Variants in TFDP2 observed in about 807,000 individuals in gnomAD.
TFDP2 encodes transcription factor Dp-2, also known as transcription factor Dp-2 (E2F dimerization partner 2).
A neutral mutation model predicts 59.3 loss-of-function variants in TFDP2; 17 were observed. That is an observed-to-expected ratio of 0.29 (90% CI 0.20 to 0.43). TFDP2 has a LOEUF of 0.43. TFDP2 is among the 20% of genes least tolerant of loss of function. TFDP2 has a pLI of 1.00. For missense variants in TFDP2, 391 were observed against 528.8 expected (o/e 0.74, Z 2.56); for synonymous variants, 180 against 194.7 (o/e 0.92, Z 0.63).
intron 3 of TFDP2, among the ~76,000 whole-genome samples, chr3:142,075,153 T>C (rs2060398327): frequency 6.6e-6 from 1 of 152,162 alleles, no homozygotes. Flanking sequence ...AATGATTTCA[T>C]GAATATGACA....
chr3:142,056,339 C>T (rs1312994117), intron 3 of TFDP2, among the ~76,000 whole-genome samples: 1 of 150,834 alleles, frequency 6.6e-6, no homozygotes, highest in African/African-American at 2.4e-5. Context: ...ACAGTTTATT[C>T]CCATGGAGAA....
intron 3 of TFDP2, among the ~76,000 whole-genome samples, chr3:142,088,338 CT>C (rs1421258151): frequency 1.1e-4 from 16 of 145,566 alleles, no homozygotes; most frequent in Admixed American, 2.1e-4. Flanking sequence ...TCTTTTTTCT[CT>C]TTTTTTTTTG....
chr3:141,975,544 C>T (rs1940502871), intron 7 of TFDP2, among the ~76,000 whole-genome samples: 1 of 151,694 alleles, frequency 6.6e-6, no homozygotes, highest in Non-Finnish European at 1.5e-5. Flanking sequence ...AAATACAAAA[C>T]TTAACTGGGC....
intron 3 of TFDP2, among the ~76,000 whole-genome samples, chr3:142,009,720 A>T (rs1261900260): frequency 6.6e-6 from 1 of 151,366 alleles, no homozygotes; most frequent in Admixed American, 6.6e-5. Context: ...CTCAAAAAAA[A>T]AAAAAAAGAA....
rs767591611 is a variant in TFDP2 at position 142,034,444 on chromosome 3, G to A, written c.83-28900C>T. Among the ~76,000 whole-genome samples, 4 of 151,914 alleles carry A rather than the reference G, an allele frequency of 2.6e-5. No individual in the cohort carries two copies. The East Asian group carries it at 7.7e-4, about 29-fold the overall frequency. On this transcript the variant is annotated intron_variant, in intron 3 of 12. Transcript: ENST00000489671. ...TATTAAATCTTCAAAAATGCACCAA[G>A]TACCTCTGACACAACCACAGTTAGG...
intron 3 of TFDP2, among the ~76,000 whole-genome samples, chr3:142,086,569 A>T (rs1005274241): frequency 6.6e-6 from 1 of 152,242 alleles, no homozygotes; most frequent in African/African-American, 2.4e-5. Flanking sequence ...ATCAACAGCC[A>T]GATGAAGAAA....
At chr3:141,964,696 G>A (rs1937679973) in intron 9 of TFDP2, among the ~76,000 whole-genome samples, 1 of 152,032 alleles carries the variant, frequency 6.6e-6, no homozygotes, top group African/African-American at 2.4e-5. Flanking sequence ...TGGAAGTGGT[G>A]CTGTTGAGGC....
At chr3:142,061,889 T>C (rs1472536147) in intron 3 of TFDP2, among the ~76,000 whole-genome samples, 1 of 79,880 alleles carries the variant, frequency 1.3e-5, no homozygotes, top group African/African-American at 4.2e-5. Context: ...TCTCTCTCTC[T>C]ACACACACAC....
chr3:142,044,908 T>C (rs1286018897), intron 3 of TFDP2, among the ~76,000 whole-genome samples: 1 of 152,194 alleles, frequency 6.6e-6, no homozygotes, highest in African/African-American at 2.4e-5. Context: ...TCATGAAGGC[T>C]TTAATATAGA....
chr3:142,090,400 A>G (rs1301873427), intron 3 of TFDP2, among the ~76,000 whole-genome samples: 3 of 152,188 alleles, frequency 2.0e-5, no homozygotes, highest in Non-Finnish European at 2.9e-5. Flanking sequence ...TTACTCTGTA[A>G]CTAAACTTTA....
intron 2 of TFDP2, among the ~76,000 whole-genome samples, chr3:142,096,646 T>G (rs2061172777): frequency 6.6e-6 from 1 of 152,206 alleles, no homozygotes; most frequent in South Asian, 2.1e-4. Flanking sequence ...TCACTATGCG[T>G]TTACTGAATT....
At chr3:142,145,954 T>C (rs568034623) in intron 1 of TFDP2, among the ~76,000 whole-genome samples, 8 of 152,302 alleles carry the variant, frequency 5.3e-5, no homozygotes, top group African/African-American at 1.9e-4. Flanking sequence ...GAATTTCTAA[T>C]TGGGTGACCA....
At chr3:142,053,566 G>A (rs1947753670) in intron 3 of TFDP2, among the ~76,000 whole-genome samples, 1 of 152,084 alleles carries the variant, frequency 6.6e-6, no homozygotes, top group Non-Finnish European at 1.5e-5. Context: ...AACATAAACA[G>A]ACTGATGTAT....
chr3:141,970,167 T>G (rs1422543392), intron 8 of TFDP2, 26 bp from the exon 9 acceptor site: 1 of 1,602,900 alleles, frequency 6.2e-7, no homozygotes, highest in African/African-American at 1.3e-5. Flanking sequence ...TACAAAATAA[T>G]ATGAACATAG....
intron 4 of TFDP2, among the ~76,000 whole-genome samples, chr3:141,999,630 TTCTA>T (rs1198351279): frequency 1.3e-5 from 2 of 152,216 alleles, no homozygotes; most frequent in East Asian, 3.8e-4. Context: ...CTTTTGAAAT[TTCTA>T]TCTACCATTA....
At chr3:142,042,299 C>CT (rs1315557168) in intron 3 of TFDP2, among the ~76,000 whole-genome samples, 2,228 of 146,568 alleles carry the variant, frequency 0.015, 42 homozygotes, top group African/African-American at 0.048. Context: ...AATAGTGTTT[C>CT]TTTTTTTTTT....
chr3:142,109,967 T>TC (rs1187385341), intron 1 of TFDP2, among the ~76,000 whole-genome samples: 1 of 152,076 alleles, frequency 6.6e-6, no homozygotes, highest in African/African-American at 2.4e-5. Flanking sequence ...AACCTCCGCC[T>TC]CCCGAGTTCA....
At chr3:142,092,894 C>T in intron 3 of TFDP2, 167 bp downstream of exon 3, 1 of 455,926 alleles carries the variant, frequency 2.2e-6, no homozygotes, top group Non-Finnish European at 3.8e-6. Context: ...AATCCTCCGT[C>T]TGTCAGAGGT....
chr3:142,026,299 G>A (rs557305283), intron 3 of TFDP2, among the ~76,000 whole-genome samples: 2 of 151,734 alleles, frequency 1.3e-5, no homozygotes, highest in Non-Finnish European at 2.9e-5. Flanking sequence ...AGCTTGCAGC[G>A]AGATTCCGTC....
Sources: gnomAD v4.1 joint callset for allele counts (sites outside exome capture counted in the v4.1 genomes callset) on GRCh38, gnomAD v4.1.1 for gene constraint, MANE v1.5 for transcripts, NCBI Gene and HGNC (gene_info 2026-07-23, HGNC 2026-07-21) for gene names.